PDE4DIP: variants seen among roughly 807,000 people sequenced by gnomAD.
PDE4DIP encodes the protein myomegalin.
A neutral mutation model predicts 221.4 loss-of-function variants in PDE4DIP; 59 were observed. That is an observed-to-expected ratio of 0.27 (90% CI 0.22 to 0.33). PDE4DIP has a LOEUF of 0.33. PDE4DIP is among the 10% of genes least tolerant of loss of function. PDE4DIP has a pLI of 1.00. For missense variants in PDE4DIP, 1,036 were observed against 2,154.2 expected, an observed-to-expected ratio of 0.48 and a Z score of 10.28; for synonymous variants, 404 against 815.9, an observed-to-expected ratio of 0.50 and a Z score of 8.60.
rs587717065 is a variant in PDE4DIP at position 148,996,884 on chromosome 1, G to A, written c.2905-1259G>A. Among the ~76,000 whole-genome samples the A allele has an allele frequency of 3.2e-3, 482 of 152,254 alleles. 5 individuals are homozygous for A. Among genetic ancestry groups the A allele is most frequent in the South Asian group, 0.015 (74 of 4,828 alleles). ...TAGTGGGGGCCACTACATGATTTGT[G>A]GAAATGCACATCAAATATTTGGATG... is the stretch of plus-strand genomic sequence containing the variant. On this transcript the variant is annotated intron_variant, in intron 22 of 43. Coordinates refer to ENST00000369354, the Ensembl canonical transcript of PDE4DIP.
chr1:148,979,932 A>T (rs2060810900), intron 20 of PDE4DIP, 83 bp downstream of exon 23: 2 of 1,508,602 alleles, frequency 1.3e-6, no homozygotes, highest in Admixed American at 1.8e-5. Context: ...TTTATTCTTC[A>T]TTAAGTGCAG....
chr1:149,018,307 T>C, intron 34 of PDE4DIP: 1 of 436,890 alleles, frequency 2.3e-6, no homozygotes, highest in Non-Finnish European at 4.1e-6. Flanking sequence ...CAGCAGCAGC[T>C]GTTTAGGGAG....
At chr1:148,963,050 G>T (rs1399570289) in intron 9 of PDE4DIP, among the ~76,000 whole-genome samples, 1 of 151,904 alleles carries the variant, frequency 6.6e-6, no homozygotes. Flanking sequence ...CCGCCACCAT[G>T]CCTGGCTAAT....
At chr1:149,011,127 G>T (rs2068500725) in intron 31 of PDE4DIP, among the ~76,000 whole-genome samples, 1 of 151,808 alleles carries the variant, frequency 6.6e-6, no homozygotes, top group African/African-American at 2.4e-5. Flanking sequence ...ATATCTTGGG[G>T]GCAGTTAAAG....
chr1:148,922,689 A>G (rs868967369), intron 1 of PDE4DIP, among the ~76,000 whole-genome samples: 44 of 146,804 alleles, frequency 3.0e-4, no homozygotes, highest in Middle Eastern at 3.6e-3. Flanking sequence ...CTGGGTTCAC[A>G]CCGTTCTCCT....
chr1:148,905,178 G>GTTTT (rs56687289), intron 1 of PDE4DIP, among the ~76,000 whole-genome samples: 337 of 94,400 alleles, frequency 3.6e-3, no homozygotes, highest in Middle Eastern at 0.018. Context: ...TCTCTTCTAG[G>GTTTT]TTTTTTTTTT....
chr1:148,977,554 T>C (rs1456797526), intron 17 of PDE4DIP, among the ~76,000 whole-genome samples: 1 of 147,116 alleles, frequency 6.8e-6, no homozygotes, highest in Non-Finnish European at 1.5e-5. Context: ...CCTTAATTCA[T>C]TAAGGGTTGC....
intron 4 of PDE4DIP, among the ~76,000 whole-genome samples, chr1:148,933,083 C>T (rs1466355593): frequency 6.6e-6 from 1 of 152,090 alleles, no homozygotes; most frequent in African/African-American, 2.4e-5. Flanking sequence ...GTTTATAAGC[C>T]TCCCAGTTTA....
chr1:148,875,560 A>G (rs7339971), intron 3 of PDE4DIP, among the ~76,000 whole-genome samples: 1,231 of 90,004 alleles, frequency 0.014, 1 homozygote, highest in African/African-American at 0.047. Flanking sequence ...GATTTAATTT[A>G]AATAACATCT....
At chr1:148,864,388 G>A (rs1553404937) in intron 2 of PDE4DIP, among the ~76,000 whole-genome samples, 2 of 140,268 alleles carry the variant, frequency 1.4e-5, no homozygotes, top group African/African-American at 5.3e-5. Flanking sequence ...TACTATTAAT[G>A]TATTCCTAAC....
chr1:148,955,592 TA>T, intron 5 of PDE4DIP, among the ~76,000 whole-genome samples: 1 of 151,552 alleles, frequency 6.6e-6, no homozygotes, highest in African/African-American at 2.4e-5. Context: ...ACTTTAATTC[TA>T]TACATTAAAC....
intron 5 of PDE4DIP, among the ~76,000 whole-genome samples, chr1:148,951,777 A>G: frequency 6.6e-6 from 1 of 152,426 alleles, no homozygotes; most frequent in East Asian, 1.9e-4. Flanking sequence ...AAAGAAGGGC[A>G]AGTCACCCAC....
At chr1:148,958,385 T>C (rs2055937253) in intron 5 of PDE4DIP, among the ~76,000 whole-genome samples, 1 of 152,162 alleles carries the variant, frequency 6.6e-6, no homozygotes, top group Admixed American at 6.5e-5. Context: ...GCATGATCTT[T>C]TCAAAACTTC....
At chr1:149,032,714 C>CG (rs1426348675) in exon 44 of PDE4DIP, 1 of 221,232 alleles carries the variant, frequency 4.5e-6, no homozygotes. Context: ...TATCTTATCT[C>CG]GGGGAAATTG....
At chr1:148,984,989 TGC>T (rs2061666575) in intron 21 of PDE4DIP, 6 of 152,256 alleles carry the variant, frequency 3.9e-5, no homozygotes, top group African/African-American at 1.4e-4. Context: ...GTCAGTATCC[TGC>T]AAGGAAAGGT....
intron 42 of PDE4DIP, 125 bp from the exon 46 acceptor site, chr1:149,030,107 G>C: frequency 2.2e-6 from 2 of 911,688 alleles, no homozygotes; most frequent in Non-Finnish European, 3.4e-6. Flanking sequence ...GACAGGGGGT[G>C]GATAGAAGGA....
intron 5 of PDE4DIP, among the ~76,000 whole-genome samples, chr1:148,959,071 G>A (rs1303523905): frequency 3.9e-5 from 6 of 152,054 alleles, no homozygotes; most frequent in Admixed American, 1.3e-4. Flanking sequence ...CACCCACTCT[G>A]TATTATGCTT....
chr1:148,905,130 T>C (rs1228569454), intron 1 of PDE4DIP, among the ~76,000 whole-genome samples: 3 of 143,950 alleles, frequency 2.1e-5, no homozygotes, highest in Non-Finnish European at 4.6e-5. Flanking sequence ...CTTCCTGATT[T>C]AAGCTAGGAG....
At chr1:148,820,424 C>T (rs1368993825) in intron 1 of PDE4DIP, among the ~76,000 whole-genome samples, 4 of 148,360 alleles carry the variant, frequency 2.7e-5, no homozygotes, top group African/African-American at 7.6e-5. Flanking sequence ...AAAAATTAGC[C>T]GGGCGTGGTG....
Sources: gnomAD v4.1 joint callset for allele counts (sites outside exome capture counted in the v4.1 genomes callset) on GRCh38, gnomAD v4.1.1 for gene constraint, MANE v1.5 for transcripts, NCBI Gene and HGNC (gene_info 2026-07-23, HGNC 2026-07-21) for gene names.